CYP3A7: variants seen among roughly 807,000 people sequenced by gnomAD.
CYP3A7 encodes the protein cytochrome P450 3A7.
CYP3A7 carries 45 observed loss-of-function variants against 55.2 expected under a neutral mutation model. The ratio of observed to expected loss-of-function variants is 0.82; its 90% CI spans 0.64 to 1.05. CYP3A7 has a LOEUF of 1.05. Ranked by LOEUF, CYP3A7 falls within the 50% of genes least tolerant of loss-of-function variation. The probability of loss-of-function intolerance (pLI) is 0.00; values close to 1 mark genes in which losing one functional copy is unlikely to be tolerated. For synonymous variants in CYP3A7, 180 were observed against 207.4 expected (o/e 0.87, Z 1.13); for missense variants, 548 against 605.3 (o/e 0.91, Z 0.99).
chr7:99,711,157 C>T (rs909901051), intron 9 of CYP3A7, among the ~76,000 whole-genome samples: 1 of 152,176 alleles, frequency 6.6e-6, no homozygotes, highest in African/African-American at 2.4e-5. Flanking sequence ...ACCTTCACAG[C>T]TGGGTAATTT....
At chr7:99,723,989 A>G (rs2404770) in intron 2 of CYP3A7, among the ~76,000 whole-genome samples, 115,855 of 152,062 alleles carry the variant, frequency 0.76, 47,114 homozygotes, top group Non-Finnish European at 0.91. Context: ...TCACCTTGGC[A>G]CAAGTACCAC....
chr7:99,715,501 G>C (rs1454976799), intron 7 of CYP3A7: 2 of 509,646 alleles, frequency 3.9e-6, no homozygotes, highest in South Asian at 4.2e-5. Flanking sequence ...CAAATCTATA[G>C]ATGCAGAAAG....
chr7:99,727,748 A>T (rs1814468472), intron 2 of CYP3A7, among the ~76,000 whole-genome samples: 3 of 152,056 alleles, frequency 2.0e-5, no homozygotes, highest in Admixed American at 6.5e-5. Context: ...AGCAAGCCAA[A>T]CTCATTGCCT....
At chr7:99,726,356 C>T (rs898223900) in intron 2 of CYP3A7, among the ~76,000 whole-genome samples, 4 of 152,188 alleles carry the variant, frequency 2.6e-5, no homozygotes, top group Non-Finnish European at 4.4e-5. Context: ...TATAATTCCC[C>T]CATCTTACCT....
intron 8 of CYP3A7, 138 bp from the exon 9 acceptor site, chr7:99,713,673 A>G: frequency 8.7e-7 from 1 of 1,147,414 alleles, no homozygotes; most frequent in Non-Finnish European, 1.3e-6. Flanking sequence ...TGCCTGAGTC[A>G]CCAGTGAAAA....
At chr7:99,710,539 C>T (rs1017465747) in intron 10 of CYP3A7, among the ~76,000 whole-genome samples, 193 bp downstream of exon 10, 9 of 152,220 alleles carry the variant, frequency 5.9e-5, no homozygotes, top group Non-Finnish European at 1.0e-4. Context: ...GACTGTTTTA[C>T]AAAGATCTTA....
chr7:99,709,472 G>A (rs117343544), intron 10 of CYP3A7, among the ~76,000 whole-genome samples: 1 of 152,264 alleles, frequency 6.6e-6, no homozygotes, highest in East Asian at 1.9e-4. Context: ...GAAAGCAGGA[G>A]ACATTCGGGA....
intron 3 of CYP3A7, among the ~76,000 whole-genome samples, chr7:99,721,770 T>C (rs1036525947): frequency 6.6e-6 from 1 of 152,190 alleles, no homozygotes; most frequent in Non-Finnish European, 1.5e-5. Context: ...AGTGTGTCTG[T>C]GTGCCTATGT....
At chr7:99,724,170 T>G (rs1814320119) in intron 2 of CYP3A7, among the ~76,000 whole-genome samples, 1 of 152,074 alleles carries the variant, frequency 6.6e-6, no homozygotes, top group Non-Finnish European at 1.5e-5. Context: ...CAGCCTCCAC[T>G]CCCTCTTCTT....
In CYP3A7 at chr7:99,735,020, C is replaced by T. The variant is rs1489132168; in HGVS notation, c.71+3G>A. ...GAGAAGAGGAGCCTGAACAGTTACT[C>T]ACAGATAGAGGAGTATCAGGCTGAC... On this transcript the variant is annotated splice_donor_region_variant and intron_variant, in intron 1 of 12. Transcript: ENST00000336374. The T allele has an allele frequency of 6.8e-6, 11 of 1,614,082 alleles. No individual in the cohort carries two copies. Among genetic ancestry groups the T allele is most frequent in the Non-Finnish European group, 9.3e-6 (11 of 1,179,968 alleles).
Position 99,735,062 on chromosome 7 carries a change from G to T in CYP3A7, c.32C>A (p.Thr11Asn). 1 of 1,614,078 alleles carries T rather than the reference G, an allele frequency of 6.2e-7. No homozygotes were observed. Among genetic ancestry groups the T allele is most frequent in the Non-Finnish European group, 8.5e-7 (1 of 1,179,990 alleles). Residue 11 changes from threonine to asparagine, a missense_variant, in exon 1 of 13, where the codon ACC (threonine) becomes AAC (asparagine). Coordinates refer to ENST00000336374, the MANE Select transcript of CYP3A7 (RefSeq NM_000765.5). ...CAGGCTGACAGCCAGGAGAAGCCAG[G>T]TTTCCACGGCCAAGTTTGGGATGAG... MDLIPNLAVE[T>N]WLLLAVSLIL... is the part of the protein sequence containing the mutation.
chr7:99,716,028 T>C, intron 6 of CYP3A7, 122 bp from the exon 7 acceptor site: 1 of 1,580,300 alleles, frequency 6.3e-7, no homozygotes, highest in South Asian at 1.1e-5. Flanking sequence ...CTTTCAGAAC[T>C]ATTTACTGGA....
chr7:99,706,313 A>G (rs1813522236), intron 12 of CYP3A7, among the ~76,000 whole-genome samples: 2 of 152,196 alleles, frequency 1.3e-5, no homozygotes, highest in Non-Finnish European at 2.9e-5. Context: ...CAGAAGTGCC[A>G]GCTTGGGACT....
rs778955930 is a variant in CYP3A7, at chr7:99,717,213, C to T, written c.485G>A (p.Arg162Gln). 3.1e-6 allele frequency: 5 copies of T among 1,613,894 alleles called. No individual in the cohort carries two copies. Among genetic ancestry groups the T allele is most frequent in the East Asian group, 2.2e-5 (1 of 44,872 alleles). Residue 162 changes from arginine (R) to glutamine (Q), a missense_variant, in exon 6 of 13, where the codon CGG (arginine) becomes CAG (glutamine). Arg to Gln is a conservative substitution (Grantham distance 43). Transcript: ENST00000336374. Reference protein sequence around the residue: ...YGDVLVRNLRREAETGKPVTL... With the variant: ...YGDVLVRNLRQEAETGKPVTL... ...GACAGGCTTGCCTGTCTCTGCTTCC[C>T]GCCTCAGATTTCTCACCAACACATC...
In CYP3A7 at chr7:99,705,130, A is replaced by G; in HGVS notation, c.*370T>C. ...CACATGATATAAATGTCACTGTTAGAGCCATCAAAATAATTCCTATTTTTA... is the reference window on the plus strand; with the variant it reads ...CACATGATATAAATGTCACTGTTAGGGCCATCAAAATAATTCCTATTTTTA... On this transcript the variant is annotated 3_prime_UTR_variant, in exon 13 of 13. Transcript: ENST00000336374. 4.0e-6 allele frequency: 1 copy of G among 250,762 alleles called. No homozygotes were observed. The highest frequency in any genetic ancestry group is 7.9e-6 in the Non-Finnish European group (1 of 126,944). The allele number at this position is 250,762 out of a possible 1,614,324, so 15.5% of individuals were successfully genotyped here. A position where few individuals can be genotyped will look rare whatever the true frequency, so the allele number is the denominator to read the frequency against.
intron 8 of CYP3A7, 115 bp downstream of exon 8, chr7:99,714,440 C>A: frequency 1.3e-6 from 2 of 1,483,188 alleles, no homozygotes; most frequent in Non-Finnish European, 1.8e-6. Flanking sequence ...AACATAAGTA[C>A]TCTTTATGTT....
intron 12 of CYP3A7, among the ~76,000 whole-genome samples, chr7:99,706,217 A>G (rs1375001136): frequency 6.6e-6 from 1 of 152,196 alleles, no homozygotes; most frequent in Non-Finnish European, 1.5e-5. Context: ...TTTCTTATTG[A>G]GACACTCCTT....
rs1563018684 is a variant in CYP3A7, at chr7:99,709,083, T to A, written c.1205A>T (p.His402Leu). The change falls in exon 11 of 13, where the codon CAT (histidine) becomes CTT (leucine). Residue 402 changes from histidine to leucine, a missense_variant. Physicochemically the swap from His to Leu is moderately conservative, Grantham distance 99. Transcript: ENST00000336374. The stretch of plus-strand genomic sequence containing the variant: ...CTCTGTCCAGTACTTTGGGTCATGA[T>A]GAAGAACATAGCTTGGAATCATCAC... ...VVVMIPSYVL[H>L]HDPKYWTEPE... 6.2e-7 allele frequency: 1 copy of A among 1,613,998 alleles called. No individual in the cohort carries two copies. Among genetic ancestry groups the A allele is most frequent in the South Asian group, 1.1e-5 (1 of 91,084 alleles).
At chr7:99,732,240 T>C (rs189652876) in intron 1 of CYP3A7, among the ~76,000 whole-genome samples, 127 of 152,288 alleles carry the variant, frequency 8.3e-4, no homozygotes, top group Middle Eastern at 6.8e-3. Context: ...GCTCCAGTCA[T>C]GTAAGATCTG....
Sources: gnomAD v4.1 joint callset for allele counts (sites outside exome capture counted in the v4.1 genomes callset) on GRCh38, gnomAD v4.1.1 for gene constraint, MANE v1.5 for transcripts, NCBI Gene and HGNC (gene_info 2026-07-23, HGNC 2026-07-21) for gene names.